The following TRIM40 variants were observed in gnomAD, a reference collection of about 807,000 sequenced individuals.
TRIM40 encodes tripartite motif containing 40.
A neutral mutation model predicts 26.1 loss-of-function variants in TRIM40; 27 were observed. The ratio of observed to expected loss-of-function variants is 1.04; its 90% CI spans 0.76 to 1.43. The LOEUF (loss-of-function observed/expected upper bound fraction) is 1.43, where lower values mean the gene tolerates loss of function less well. TRIM40 is among the 40% of genes most tolerant of loss of function. The pLI is 0.00. For missense variants in TRIM40, 289 were observed against 307.9 expected (o/e 0.94, Z 0.46); for synonymous variants, 114 against 120.0 (o/e 0.95, Z 0.33).
At chr6:30,140,283 T>C (rs1771267981) in intron 2 of TRIM40, among the ~76,000 whole-genome samples, 1 of 152,172 alleles carries the variant, frequency 6.6e-6, no homozygotes, top group Non-Finnish European at 1.5e-5. Flanking sequence ...ATGTTTATTG[T>C]GGCATGGTTC....
At chr6:30,143,244 AT>A (rs35940649) in intron 2 of TRIM40, among the ~76,000 whole-genome samples, 1 of 151,684 alleles carries the variant, frequency 6.6e-6, no homozygotes, top group South Asian at 2.1e-4. Context: ...TTACAACACT[AT>A]TTTTTTTGAC....
intron 2 of TRIM40, among the ~76,000 whole-genome samples, chr6:30,144,846 G>A (rs9261506): frequency 0.075 from 11,402 of 152,230 alleles, 518 homozygotes; most frequent in East Asian, 0.14. Flanking sequence ...GAACTCTTGT[G>A]CTCGCACAAA....
rs1360304130 is a variant in TRIM40, at chr6:30,147,701, T to C, written c.690-24T>C. 3.7e-6 allele frequency: 6 copies of C among 1,611,632 alleles called. No homozygotes were observed. The South Asian group carries it at 5.5e-5, about 15-fold the overall frequency. On this transcript the variant is annotated intron_variant, in intron 5 of 5. Transcript: ENST00000396581. Reference sequence around the variant, plus strand: ...TGGAATATATGAATACATATTAATCTATGAAAGATTTCTTTGTTTCTAGGA... The same window carrying C: ...TGGAATATATGAATACATATTAATCCATGAAAGATTTCTTTGTTTCTAGGA...
chr6:30,147,960 A>G lies in TRIM40; in HGVS notation c.*148A>G. The G allele has an allele frequency of 1.5e-6, 1 of 658,254 alleles. No individual in the cohort carries two copies. Among genetic ancestry groups the G allele is most frequent in the South Asian group, 1.8e-5 (1 of 56,602 alleles). 40.8% of individuals were successfully genotyped at this position (658,254 alleles called of 1,614,324 possible). On this transcript the variant is annotated 3_prime_UTR_variant, in exon 6 of 6. Coordinates refer to ENST00000396581, the MANE Select transcript of TRIM40 (RefSeq NM_001286633.2). Reference sequence around the variant, plus strand: ...CATGTCACCATTTCTTCATGTCCACAGTCATCACCTGATGCCTGACCCTCT... The same window carrying G: ...CATGTCACCATTTCTTCATGTCCACGGTCATCACCTGATGCCTGACCCTCT...
chr6:30,137,471 G>A, intron 2 of TRIM40, 90 bp downstream of exon 2: 2 of 1,095,640 alleles, frequency 1.8e-6, no homozygotes, highest in Non-Finnish European at 2.7e-6. Flanking sequence ...CCTCAGAGTA[G>A]CTCAACAATG....
intron 2 of TRIM40, among the ~76,000 whole-genome samples, chr6:30,143,388 A>C (rs1771463626): frequency 6.7e-6 from 1 of 149,034 alleles, no homozygotes. Context: ...ATTTTTGGAC[A>C]CAGTTCTGTA....
chr6:30,140,103 C>T (rs1018702385), intron 2 of TRIM40, among the ~76,000 whole-genome samples: 18 of 152,266 alleles, frequency 1.2e-4, no homozygotes, highest in African/African-American at 3.6e-4. Context: ...GAAATAGGAA[C>T]GCTTTTACAC....
intron 2 of TRIM40, 100 bp downstream of exon 2, chr6:30,137,481 G>GTCCATTGTTGA: frequency 1.0e-6 from 1 of 995,878 alleles, no homozygotes; most frequent in Non-Finnish European, 1.5e-6. Flanking sequence ...GCTCAACAAT[G>GTCCATTGTTGA]GACATCTCTC....
At position 30,145,990 on chromosome 6, in the gene TRIM40, T is replaced by C; in HGVS notation, c.346-4T>C. On this transcript the variant is annotated splice_polypyrimidine_tract_variant and splice_region_variant and intron_variant, in intron 2 of 5. Transcript: ENST00000396581. Reference sequence around the variant, plus strand: ...CTGACAAGCAGGTGTGTCTGTCTCTTTAGGAACGACTCAATCGCCGGAGCA... The same window carrying C: ...CTGACAAGCAGGTGTGTCTGTCTCTCTAGGAACGACTCAATCGCCGGAGCA... 6.2e-7 allele frequency: 1 copy of C among 1,612,788 alleles called. No individual in the cohort carries two copies. The highest frequency in any genetic ancestry group is 1.7e-4 in the Middle Eastern group (1 of 6,036).
chr6:30,146,226 G>A (rs1191748236), intron 3 of TRIM40, 137 bp downstream of exon 3: 2 of 711,274 alleles, frequency 2.8e-6, no homozygotes, highest in African/African-American at 1.8e-5. Flanking sequence ...CCCGGGTGTT[G>A]GCCTTGGCGT....
intron 2 of TRIM40, among the ~76,000 whole-genome samples, chr6:30,142,292 T>C (rs762427677): frequency 6.6e-5 from 10 of 152,202 alleles, no homozygotes; most frequent in African/African-American, 9.6e-5. Context: ...TCAATGTCAG[T>C]GTCAATCACT....
chr6:30,147,252 G>A (rs552269302), intron 4 of TRIM40, 43 bp downstream of exon 4: 46 of 1,607,598 alleles, frequency 2.9e-5, no homozygotes, highest in Admixed American at 8.3e-5. Flanking sequence ...GATTCTCCCC[G>A]ATAGGAGGCA....
chr6:30,147,284 G>A (rs890868723), intron 4 of TRIM40, 75 bp downstream of exon 4: 2 of 1,565,658 alleles, frequency 1.3e-6, no homozygotes, highest in African/African-American at 2.7e-5. Context: ...TCACCCTTCT[G>A]GGAGGTGTAA....
rs984589693 is a variant in TRIM40, at chr6:30,137,226, G to C, written c.190G>C (p.Val64Leu). ...PLCRKPCSEE[V>L]LGTGYICPNH... is the part of the protein sequence containing the mutation. ...CTGCCGGAAGCCCTGTTCTGAGGAGGTGCTAGGGACAGGCTATATCTGCCC... is the reference window on the plus strand; with the variant it reads ...CTGCCGGAAGCCCTGTTCTGAGGAGCTGCTAGGGACAGGCTATATCTGCCC... Residue 64 changes from valine to leucine, a missense_variant, in exon 2 of 6, where the codon GTG becomes CTG. Coordinates refer to ENST00000396581, the MANE Select transcript of TRIM40 (RefSeq NM_001286633.2). The C allele has an allele frequency of 8.1e-6, 13 of 1,612,972 alleles. No homozygotes were observed. The African/African-American group carries it at 1.2e-4, about 15-fold the overall frequency.
intron 3 of TRIM40, among the ~76,000 whole-genome samples, chr6:30,146,477 A>T (rs992886991): frequency 2.0e-5 from 3 of 151,010 alleles, no homozygotes; most frequent in African/African-American, 7.3e-5. Flanking sequence ...AGTGGCACGA[A>T]CTCCGCTCAC....
intron 4 of TRIM40, 127 bp from the exon 5 acceptor site, chr6:30,147,393 G>A: frequency 6.9e-7 from 1 of 1,455,664 alleles, no homozygotes; most frequent in Non-Finnish European, 9.6e-7. Flanking sequence ...GAAGAGGGGT[G>A]TTGCTATGTT....
intron 2 of TRIM40, among the ~76,000 whole-genome samples, chr6:30,145,771 A>C: frequency 6.6e-6 from 1 of 152,230 alleles, no homozygotes. Context: ...TACTTCTAAG[A>C]CTGTAAAAAA....
rs1771046130 is a variant in TRIM40 at position 30,137,067 on chromosome 6, G to A, written c.31G>A (p.Glu11Lys). The change falls in exon 2 of 6, where the codon GAG (glutamate) becomes AAG (lysine). Residue 11 changes from glutamate to lysine, a missense_variant. Transcript: ENST00000396581. The part of the protein sequence containing the change: MIPLQKDNQE[E>K]GVCPICQESL... ...CCCTTTGCAGAAGGACAACCAGGAG[G>A]AGGGTGTCTGCCCCATCTGCCAGGA... 2.5e-6 allele frequency: 4 copies of A among 1,612,926 alleles called. No homozygotes were observed. Among genetic ancestry groups the A allele is most frequent in the African/African-American group, 2.7e-5 (2 of 74,950 alleles).
chr6:30,144,366 C>A (rs758398258), intron 2 of TRIM40, among the ~76,000 whole-genome samples: 46 of 152,098 alleles, frequency 3.0e-4, no homozygotes, highest in Non-Finnish European at 5.0e-4. Flanking sequence ...ATGTTTGATT[C>A]TACCATATTG....
Sources: allele counts gnomAD v4.1 joint callset (sites outside exome capture counted in the v4.1 genomes callset), GRCh38; gene constraint gnomAD v4.1.1; transcripts MANE v1.5; gene names NCBI Gene and HGNC (gene_info 2026-07-23, HGNC 2026-07-21).